RSU1: variants seen among roughly 807,000 people sequenced by gnomAD.
RSU1 encodes the protein Ras suppressor protein 1.
Under a neutral mutation model 31.1 loss-of-function variants are expected in RSU1, and 26 were observed. The observed-to-expected ratio is 0.84, with a 90% CI of 0.61 to 1.16. The LOEUF (loss-of-function observed/expected upper bound fraction) is 1.16, where lower values mean the gene tolerates loss of function less well. Among genes scored for constraint, RSU1 ranks in the 50% most tolerant of loss-of-function variants. The pLI is 0.00. For missense variants in RSU1, 320 were observed against 339.1 expected, an observed-to-expected ratio of 0.94 and a Z score of 0.44; for synonymous variants, 164 against 136.3, an observed-to-expected ratio of 1.20 and a Z score of -1.41.
At chr10:16,675,024 C>A (rs1417112369) in intron 8 of RSU1, among the ~76,000 whole-genome samples, 3 of 151,462 alleles carry the variant, frequency 2.0e-5, no homozygotes, top group East Asian at 3.9e-4. Flanking sequence ...CAGAGTGAGA[C>A]CCTGTATCAA....
chr10:16,662,989 A>AG (rs1564306417), intron 8 of RSU1, among the ~76,000 whole-genome samples: 1 of 145,988 alleles, frequency 6.8e-6, no homozygotes, highest in African/African-American at 2.7e-5. Context: ...AAAAAAAAAA[A>AG]CCCTCTAAGT....
At chr10:16,781,955 A>G (rs1038987316) in intron 3 of RSU1, 79 bp downstream of exon 3, 2 of 1,214,874 alleles carry the variant, frequency 1.6e-6, no homozygotes, top group Admixed American at 2.0e-5. Flanking sequence ...GTTTCTCCCA[A>G]GGAAACAGTA....
intron 2 of RSU1, among the ~76,000 whole-genome samples, chr10:16,813,874 G>A (rs780630): frequency 6.6e-6 from 1 of 152,162 alleles, no homozygotes; most frequent in African/African-American, 2.4e-5. Flanking sequence ...ATCTTTTAAA[G>A]GTAATTTGCT....
chr10:16,599,255 C>CA (rs1564281511), intron 8 of RSU1, among the ~76,000 whole-genome samples: 2 of 151,550 alleles, frequency 1.3e-5, no homozygotes, highest in Non-Finnish European at 2.9e-5. Context: ...CCAGGATTGG[C>CA]AAAAAACTTT....
intron 8 of RSU1, among the ~76,000 whole-genome samples, chr10:16,693,940 G>C (rs1835619596): frequency 6.6e-6 from 1 of 152,048 alleles, no homozygotes; most frequent in African/African-American, 2.4e-5. Context: ...CATTTGAGTA[G>C]GGATGTTTTT....
At chr10:16,795,056 C>A (rs754085283) in intron 2 of RSU1, among the ~76,000 whole-genome samples, 11 of 152,158 alleles carry the variant, frequency 7.2e-5, no homozygotes, top group Admixed American at 3.3e-4. Context: ...TCACTAGAAT[C>A]AAAAATGTTA....
chr10:16,656,995 T>C lies in RSU1; in HGVS notation c.731+38028A>G, dbSNP rs140354530. On this transcript the variant is annotated intron_variant, in intron 8 of 8. Transcript: ENST00000345264. ...CACTGTTCTCTTTAAATCTTGGAAA[T>C]ATGCAAATACAGTATAGCTTTAGAG... Among the ~76,000 whole-genome samples the C allele has an allele frequency of 2.7e-3, 417 of 152,306 alleles. 1 individual carries two copies. The highest frequency in any genetic ancestry group is 9.7e-3 in the African/African-American group (405 of 41,564).
At chr10:16,692,174 T>C (rs1411841613) in intron 8 of RSU1, among the ~76,000 whole-genome samples, 2 of 152,174 alleles carry the variant, frequency 1.3e-5, no homozygotes, top group African/African-American at 2.4e-5. Flanking sequence ...CCCCCCAAAA[T>C]AGGATGCTAA....
chr10:16,724,249 T>G (rs1218010145), intron 7 of RSU1, among the ~76,000 whole-genome samples: 1 of 152,194 alleles, frequency 6.6e-6, no homozygotes, highest in Non-Finnish European at 1.5e-5. Flanking sequence ...AGCTGAGACA[T>G]GCAGTTAAAC....
chr10:16,804,245 T>C (rs1244422923), intron 2 of RSU1, among the ~76,000 whole-genome samples: 1 of 152,106 alleles, frequency 6.6e-6, no homozygotes, highest in African/African-American at 2.4e-5. Context: ...CATTAAGGAA[T>C]TGCAAATGGA....
intron 4 of RSU1, among the ~76,000 whole-genome samples, chr10:16,758,268 C>T (rs772335678): frequency 2.0e-5 from 3 of 152,208 alleles, no homozygotes; most frequent in Non-Finnish European, 4.4e-5. Flanking sequence ...GCCACCTCTC[C>T]GGACACCAGT....
intron 2 of RSU1, among the ~76,000 whole-genome samples, chr10:16,815,415 ACT>A (rs1228470889): frequency 2.6e-5 from 4 of 152,182 alleles, no homozygotes; most frequent in Middle Eastern, 3.4e-3. Flanking sequence ...AGTAAACCTG[ACT>A]CTGCAGTTCT....
chr10:16,651,660 T>C (rs1006034238), intron 8 of RSU1, among the ~76,000 whole-genome samples: 2 of 152,220 alleles, frequency 1.3e-5, no homozygotes, highest in African/African-American at 4.8e-5. Flanking sequence ...AAAACAGTTC[T>C]AATAAGTAGT....
intron 2 of RSU1, among the ~76,000 whole-genome samples, chr10:16,807,828 C>A (rs1303011858): frequency 6.6e-6 from 1 of 151,832 alleles, no homozygotes; most frequent in Non-Finnish European, 1.5e-5. Context: ...CTGAGACCAT[C>A]CTGGCTAACA....
rs916145569 is a variant in RSU1, at chr10:16,753,007, A to T, written c.401-7T>A. On this transcript the variant is annotated splice_polypyrimidine_tract_variant and splice_region_variant and intron_variant, in intron 5 of 8. Transcript: ENST00000345264. ...TAGAGTGCACGCAGGGTGGCTGCAA[A>T]TTAAACAGCAATATATAAACAGGGT... The T allele has an allele frequency of 1.9e-6, 3 of 1,611,546 alleles. No homozygotes were observed. The African/African-American group carries it at 4.0e-5, about 22-fold the overall frequency.
chr10:16,695,760 A>G (rs1441691000), intron 7 of RSU1, among the ~76,000 whole-genome samples: 1 of 152,186 alleles, frequency 6.6e-6, no homozygotes, highest in East Asian at 1.9e-4. Context: ...TCAGATACTA[A>G]TATTACTTTA....
intron 8 of RSU1, among the ~76,000 whole-genome samples, chr10:16,682,203 C>G (rs934033172): frequency 1.3e-4 from 20 of 152,168 alleles, no homozygotes; most frequent in Admixed American, 3.3e-4. Context: ...CTCTATAGGG[C>G]AAAACCCTCA....
chr10:16,595,417 T>A (rs1200489166), intron 8 of RSU1, among the ~76,000 whole-genome samples: 1 of 152,180 alleles, frequency 6.6e-6, no homozygotes, highest in Non-Finnish European at 1.5e-5. Flanking sequence ...GCGGTCACTC[T>A]CACGGAGTGT....
intron 3 of RSU1, among the ~76,000 whole-genome samples, chr10:16,765,138 C>T (rs1201954676): frequency 1.3e-5 from 2 of 151,924 alleles, no homozygotes; most frequent in Non-Finnish European, 2.9e-5. Context: ...TCTTGCATTG[C>T]CACCAGAAGA....
Sources: gnomAD v4.1 joint callset for allele counts (sites outside exome capture counted in the v4.1 genomes callset) on GRCh38, gnomAD v4.1.1 for gene constraint, MANE v1.5 for transcripts, NCBI Gene and HGNC (gene_info 2026-07-23, HGNC 2026-07-21) for gene names.